LEO1: variants seen among roughly 807,000 people sequenced by gnomAD.
LEO1 encodes RNA polymerase-associated protein LEO1.
In LEO1, 34 loss-of-function variants were observed where a neutral mutation model predicts 80.4. That is an observed-to-expected ratio of 0.42 (90% CI 0.32 to 0.56). LEO1 has a LOEUF of 0.56. LEO1 is among the 20% of genes least tolerant of loss of function. LEO1 has a pLI of 0.10. For missense variants in LEO1, 631 were observed against 814.2 expected, an observed-to-expected ratio of 0.77 and a Z score of 2.74; for synonymous variants, 262 against 274.9, an observed-to-expected ratio of 0.95 and a Z score of 0.46.
intron 11 of LEO1, among the ~76,000 whole-genome samples, chr15:51,942,667 A>G (rs1156611274): frequency 6.6e-6 from 1 of 152,172 alleles, no homozygotes; most frequent in East Asian, 1.9e-4. Flanking sequence ...CATGCCTGTA[A>G]TCCCAGCACT....
chr15:51,958,020 C>CA (rs11319310), intron 6 of LEO1, among the ~76,000 whole-genome samples: 4 of 150,884 alleles, frequency 2.7e-5, no homozygotes, highest in Non-Finnish European at 4.4e-5. Flanking sequence ...TGCTCCTTCT[C>CA]AAAAAAAAAT....
At chr15:51,942,527 C>A (rs982872909) in intron 11 of LEO1, among the ~76,000 whole-genome samples, 8 of 152,194 alleles carry the variant, frequency 5.3e-5, no homozygotes, top group African/African-American at 1.9e-4. Flanking sequence ...AAAATAGCAT[C>A]TGCTTAGATG....
chr15:51,962,904 A>C (rs1463055765), intron 2 of LEO1, among the ~76,000 whole-genome samples: 1 of 150,564 alleles, frequency 6.6e-6, no homozygotes, highest in Non-Finnish European at 1.5e-5. Context: ...TAACATGAAT[A>C]GAGCTGTACA....
At chr15:51,956,177 G>C (rs556105946) in intron 6 of LEO1, among the ~76,000 whole-genome samples, 1 of 152,190 alleles carries the variant, frequency 6.6e-6, no homozygotes, top group Admixed American at 6.5e-5. Context: ...CAGCACTTTG[G>C]GAGGCCGAGG....
chr15:51,946,073 T>G (rs1264329497), intron 11 of LEO1, among the ~76,000 whole-genome samples: 1 of 152,072 alleles, frequency 6.6e-6, no homozygotes, highest in African/African-American at 2.4e-5. Flanking sequence ...GCCTATTCTC[T>G]TATAATATGA....
chr15:51,938,360 CAAA>C, intron 11 of LEO1, 100 bp from the exon 12 acceptor site: 1 of 670,232 alleles, frequency 1.5e-6, no homozygotes, highest in South Asian at 1.8e-5. Context: ...TCTGACAACT[CAAA>C]GTAACGGTTC....
chr15:51,962,251 G>T, intron 3 of LEO1, 138 bp downstream of exon 3: 1 of 504,358 alleles, frequency 2.0e-6, no homozygotes, highest in Non-Finnish European at 3.4e-6. Context: ...TAACTTCTCT[G>T]AGTACACTGA....
At chr15:51,954,930 G>T in intron 6 of LEO1, 1 of 160,924 alleles carries the variant, frequency 6.2e-6, no homozygotes, top group Non-Finnish European at 1.3e-5. Context: ...ATGTGAGGCA[G>T]AAATTTTTTT....
intron 8 of LEO1, 91 bp from the exon 9 acceptor site, chr15:51,952,070 AC>A: frequency 8.7e-7 from 1 of 1,144,300 alleles, no homozygotes; most frequent in South Asian, 1.6e-5. Flanking sequence ...GAGCCCAGTG[AC>A]CATTTCCTAG....
At chr15:51,944,034 A>G (rs980336814) in intron 11 of LEO1, among the ~76,000 whole-genome samples, 1 of 152,208 alleles carries the variant, frequency 6.6e-6, no homozygotes, top group Admixed American at 6.6e-5. Context: ...AAAACAGCAG[A>G]AAAAATATTA....
chr15:51,961,422 C>T (rs183299825), intron 3 of LEO1, among the ~76,000 whole-genome samples: 1 of 151,398 alleles, frequency 6.6e-6, no homozygotes, highest in Admixed American at 6.6e-5. Context: ...GACAGAGTCT[C>T]ACTGTTGTTG....
At chr15:51,942,427 A>G (rs964255949) in intron 11 of LEO1, among the ~76,000 whole-genome samples, 1 of 152,170 alleles carries the variant, frequency 6.6e-6, no homozygotes, top group Non-Finnish European at 1.5e-5. Context: ...TTAAAAAAAA[A>G]AAAATCACTT....
intron 7 of LEO1, 112 bp downstream of exon 7, chr15:51,954,369 G>A: frequency 2.9e-6 from 2 of 683,442 alleles, no homozygotes; most frequent in South Asian, 1.7e-5. Context: ...GCAACAGAGT[G>A]AGACCCCATT....
intron 7 of LEO1, among the ~76,000 whole-genome samples, chr15:51,954,155 C>T (rs1376037174): frequency 6.6e-6 from 1 of 151,354 alleles, no homozygotes; most frequent in Non-Finnish European, 1.5e-5. Context: ...GAACTCCTGA[C>T]CTCGTGATCC....
At chr15:51,947,682 C>A (rs2056913808) in intron 10 of LEO1, among the ~76,000 whole-genome samples, 1 of 152,056 alleles carries the variant, frequency 6.6e-6, no homozygotes, top group Non-Finnish European at 1.5e-5. Flanking sequence ...TCTTCAGCCC[C>A]CTAAAGTGCT....
intron 11 of LEO1, among the ~76,000 whole-genome samples, chr15:51,940,534 C>T (rs902631900): frequency 4.0e-5 from 6 of 151,532 alleles, no homozygotes; most frequent in African/African-American, 1.5e-4. Flanking sequence ...ACACTCCAGC[C>T]TGGGCGACAG....
chr15:51,953,095 A>AT, intron 8 of LEO1, 34 bp downstream of exon 8: 1 of 1,574,586 alleles, frequency 6.4e-7, no homozygotes, highest in Non-Finnish European at 8.7e-7. Flanking sequence ...TGCTTTTACC[A>AT]TAAGAAATAA....
Position 51,952,047 on chromosome 15 carries a change from G to A in LEO1, c.1476-68C>T, listed in dbSNP as rs76201987. On this transcript the variant is annotated intron_variant, in intron 8 of 11. Transcript: ENST00000299601. ...ACATTTGTGAGCCAGTGATACCCAC[G>A]TCACAGAAGTAAGAGCCCAGTGACC... 1.8e-3 allele frequency: 2,542 copies of A among 1,420,194 alleles called. 18 individuals carry two copies. The African/African-American group carries it at 0.024, about 13-fold the overall frequency. 88.0% of individuals were successfully genotyped at this position (1,420,194 alleles called of 1,614,324 possible). A position where few individuals can be genotyped will look rare whatever the true frequency, so the allele number is the denominator to read the frequency against.
chr15:51,950,107 C>T (rs1469427329), intron 9 of LEO1, 113 bp from the exon 10 acceptor site: 5 of 936,286 alleles, frequency 5.3e-6, no homozygotes, highest in East Asian at 5.3e-5. Flanking sequence ...ACAGCTGTGC[C>T]GTGTGTGTTC....
Sources: gnomAD v4.1 joint callset for allele counts (sites outside exome capture counted in the v4.1 genomes callset) on GRCh38, gnomAD v4.1.1 for gene constraint, MANE v1.5 for transcripts, NCBI Gene and HGNC (gene_info 2026-07-23, HGNC 2026-07-21) for gene names.